Variants in CYFIP2 observed in about 807,000 individuals in gnomAD.
CYFIP2 encodes cytoplasmic FMR1 interacting protein 2, also known as cytoplasmic FMR1-interacting protein 2.
In CYFIP2, 29 loss-of-function variants were observed where a neutral mutation model predicts 158.7. The ratio of observed to expected loss-of-function variants is 0.18; its 90% CI spans 0.14 to 0.25. The LOEUF (loss-of-function observed/expected upper bound fraction) is 0.25, where lower values mean the gene tolerates loss of function less well. Among genes scored for constraint, CYFIP2 ranks in the 10% least tolerant of loss-of-function variants. CYFIP2 has a pLI of 1.00. For missense variants in CYFIP2, 852 were observed against 1,639.5 expected (o/e 0.52, Z 8.29); for synonymous variants, 585 against 617.6 (o/e 0.95, Z 0.78).
chr5:157,296,742 G>T lies in CYFIP2; in HGVS notation c.355G>T (p.Val119Phe). The change falls in exon 5 of 31, where the codon GTC becomes TTC. Residue 119 changes from valine (V) to phenylalanine (F), a missense_variant. This residue lies in a region of CYFIP2 where 123 missense variants were observed against 316.7 expected (regional missense o/e 0.39). Coordinates refer to ENST00000620254, the MANE Select transcript of CYFIP2 (RefSeq NM_001037333.3). ...GACAGTAGAGGTGCTGGAGCCGGAG[G>T]TCACCAAGCTCATGAAGTTCATGTA... ...EKTVEVLEPE[V>F]TKLMKFMYFQ... 6.2e-7 allele frequency: 1 copy of T among 1,613,822 alleles called. No homozygotes were observed. Among genetic ancestry groups the T allele is most frequent in the Non-Finnish European group, 8.5e-7 (1 of 1,179,756 alleles).
At chr5:157,333,547 G>C in intron 21 of CYFIP2, 101 bp downstream of exon 21, 1 of 1,491,908 alleles carries the variant, frequency 6.7e-7, no homozygotes, top group Admixed American at 1.8e-5. Context: ...AGTTAAAGAG[G>C]GGCAGTGAGT....
intron 8 of CYFIP2, 117 bp from the exon 9 acceptor site, chr5:157,307,644 T>TGTGTGTGTGC: frequency 1.7e-6 from 1 of 601,386 alleles, no homozygotes; most frequent in South Asian, 2.0e-5. Flanking sequence ...AGGGTGTGTG[T>TGTGTGTGTGC]GTGTGTGTGT....
At chr5:157,270,526 A>G (rs1756005279) in intron 1 of CYFIP2, among the ~76,000 whole-genome samples, 1 of 152,230 alleles carries the variant, frequency 6.6e-6, no homozygotes, top group African/African-American at 2.4e-5. Context: ...AATATCCGAG[A>G]ACTATTTTTG....
At position 157,366,254 on chromosome 5, in the gene CYFIP2, G is replaced by C. The variant is rs369460791; in HGVS notation, c.3039+4656G>C. Among the ~76,000 whole-genome samples the C allele has an allele frequency of 5.1e-4, 78 of 152,192 alleles. 1 individual carries two copies. In the South Asian group the frequency reaches 0.016, roughly 31 times the overall value. The stretch of plus-strand genomic sequence containing the variant: ...GGACACCATCTTTTGTGAAGTGCTG[G>C]TCAACATTCTTGCCTTTTTAAGTCA... On this transcript the variant is annotated intron_variant, in intron 26 of 30. Coordinates refer to ENST00000620254, the MANE Select transcript of CYFIP2 (RefSeq NM_001037333.3).
At chr5:157,355,524 A>G (rs2113334962) in intron 23 of CYFIP2, among the ~76,000 whole-genome samples, 1 of 152,304 alleles carries the variant, frequency 6.6e-6, no homozygotes, top group Admixed American at 6.5e-5. Flanking sequence ...GGGTTTAGGT[A>G]ATTTGCCCAA....
intron 1 of CYFIP2, among the ~76,000 whole-genome samples, chr5:157,271,127 A>G (rs143259285): frequency 3.6e-3 from 555 of 152,278 alleles, no homozygotes; most frequent in Non-Finnish European, 6.0e-3. Context: ...GTGGGCCATG[A>G]TAGATCGGTA....
chr5:157,323,950 A>T lies in CYFIP2; in HGVS notation c.1701A>T (p.Ser567=). The T allele has an allele frequency of 6.3e-7, 1 of 1,599,452 alleles. No individual in the cohort carries two copies. Among genetic ancestry groups the T allele is most frequent in the South Asian group, 1.1e-5 (1 of 88,686 alleles). Residue 567 remains serine, a synonymous_variant, in exon 16 of 31, where the codon TCA becomes TCT. Coordinates refer to ENST00000620254, the MANE Select transcript of CYFIP2 (RefSeq NM_001037333.3). ...QLYMVRTMLE[S]LIADKSGSKK... ...ACATGGTGCGGACCATGCTTGAATC[A>T]CTCATTGCAGACAAAAGCGGCTCCA...
At chr5:157,385,993 G>T (rs938900595) in intron 28 of CYFIP2, among the ~76,000 whole-genome samples, 1 of 152,080 alleles carries the variant, frequency 6.6e-6, no homozygotes, top group East Asian at 1.9e-4. Flanking sequence ...GAGGGTATTT[G>T]CAGGAAGCGA....
At chr5:157,358,074 T>C (rs974071106) in intron 23 of CYFIP2, among the ~76,000 whole-genome samples, 7 of 152,114 alleles carry the variant, frequency 4.6e-5, no homozygotes, top group African/African-American at 1.4e-4. Flanking sequence ...GATTAAACAA[T>C]AGTGCACCTG....
intron 8 of CYFIP2, among the ~76,000 whole-genome samples, chr5:157,306,815 G>A (rs147290820): frequency 6.6e-6 from 1 of 151,808 alleles, no homozygotes; most frequent in Non-Finnish European, 1.5e-5. Flanking sequence ...CCAGGAGGTT[G>A]AGGCTGCAGT....
chr5:157,325,586 C>T lies in CYFIP2; in HGVS notation c.1930C>T (p.Pro644Ser). The change falls in exon 17 of 31, where the codon CCC becomes TCC. Residue 644 changes from proline to serine, a missense_variant. Physicochemically the swap from Pro to Ser is moderately conservative, Grantham distance 74. This residue lies in a region of CYFIP2 where 167 missense variants were observed against 343.3 expected (regional missense o/e 0.49). Transcript: ENST00000620254. Reference sequence around the variant, plus strand: ...CCAGTTCCCCATCGAGATGTCCATGCCCTGGATTCTAACGGACCATATCCT... The same window carrying T: ...CCAGTTCCCCATCGAGATGTCCATGTCCTGGATTCTAACGGACCATATCCT... Reference protein sequence around the residue: ...RIQFPIEMSMPWILTDHILET... With the variant: ...RIQFPIEMSMSWILTDHILET... 1 of 1,613,096 alleles carries T rather than the reference C, an allele frequency of 6.2e-7. No homozygotes were observed. Among genetic ancestry groups the T allele is most frequent in the Non-Finnish European group, 8.5e-7 (1 of 1,179,530 alleles).
intron 9 of CYFIP2, among the ~76,000 whole-genome samples, chr5:157,308,382 G>A (rs1162574220): frequency 2.0e-5 from 3 of 152,276 alleles, no homozygotes; most frequent in African/African-American, 7.2e-5. Context: ...CCTCAGCAAC[G>A]TTCATCATAT....
chr5:157,359,225 C>T (rs907078108), intron 24 of CYFIP2, 77 bp downstream of exon 24: 51 of 1,568,752 alleles, frequency 3.3e-5, no homozygotes, highest in Middle Eastern at 1.7e-4. Context: ...TTACTTTTTA[C>T]CTGGCCTGTA....
chr5:157,294,067 G>A, intron 3 of CYFIP2, among the ~76,000 whole-genome samples: 1 of 152,156 alleles, frequency 6.6e-6, no homozygotes, highest in East Asian at 1.9e-4. Flanking sequence ...ATTGGGGAAG[G>A]CACCAATCTT....
At chr5:157,365,278 G>A (rs1051638446) in intron 26 of CYFIP2, 54 of 152,150 alleles carry the variant, frequency 3.5e-4, no homozygotes, top group African/African-American at 1.1e-3. Flanking sequence ...ACCAGAAAGT[G>A]CGAAGGAAAA....
intron 23 of CYFIP2, among the ~76,000 whole-genome samples, chr5:157,357,850 A>G (rs972687476): frequency 2.6e-5 from 4 of 152,076 alleles, no homozygotes; most frequent in Non-Finnish European, 5.9e-5. Context: ...AAAGAAAAAA[A>G]CCTAAGTTTT....
rs778186111 is a variant in CYFIP2 at position 157,392,978 on chromosome 5, A to G, written c.3740A>G (p.Gln1247Arg). ...CGCTGCTTCCAGCCACCCATCCACCAGTCCTTGGCCACCACTTGCTAAGCA... is the reference window on the plus strand; with the variant it reads ...CGCTGCTTCCAGCCACCCATCCACCGGTCCTTGGCCACCACTTGCTAAGCA... ...HVRCFQPPIH[Q>R]SLATTC The change falls in exon 31 of 31, where the codon CAG (glutamine) becomes CGG (arginine). Residue 1247 changes from glutamine to arginine, a missense_variant. Physicochemically the swap from Gln to Arg is conservative, Grantham distance 43. Coordinates refer to ENST00000620254, the MANE Select transcript of CYFIP2 (RefSeq NM_001037333.3). 6.2e-7 allele frequency: 1 copy of G among 1,613,936 alleles called. No individual in the cohort carries two copies. Among genetic ancestry groups the G allele is most frequent in the Non-Finnish European group, 8.5e-7 (1 of 1,179,866 alleles).
intron 3 of CYFIP2, among the ~76,000 whole-genome samples, chr5:157,294,324 T>C (rs1758074823): frequency 6.6e-6 from 1 of 152,216 alleles, no homozygotes; most frequent in Non-Finnish European, 1.5e-5. Context: ...AGAAGCAAGA[T>C]GGAGTCAACT....
At chr5:157,341,582 T>A (rs1762261057) in intron 23 of CYFIP2, 1 of 168,368 alleles carries the variant, frequency 5.9e-6, no homozygotes, top group African/African-American at 2.4e-5. Flanking sequence ...AGCAATAAGA[T>A]CCAGGCAGAA....
Sources: gnomAD v4.1 joint callset for allele counts (sites outside exome capture counted in the v4.1 genomes callset) on GRCh38, gnomAD v4.1.1 for gene constraint, gnomAD v4.1.1 regional missense constraint, MANE v1.5 for transcripts, NCBI Gene and HGNC (gene_info 2026-07-23, HGNC 2026-07-21) for gene names.